MALRD1: variants seen among roughly 807,000 people sequenced by gnomAD.
MALRD1 encodes MAM and LDL-receptor class A domain-containing protein 1.
A neutral mutation model predicts 242.1 loss-of-function variants in MALRD1; 247 were observed. The ratio of observed to expected loss-of-function variants is 1.02; its 90% CI spans 0.92 to 1.13. The LOEUF (loss-of-function observed/expected upper bound fraction) is 1.13. Ranked by LOEUF, MALRD1 falls within the 50% of genes most tolerant of loss-of-function variation. MALRD1 has a pLI of 0.00. For synonymous variants in MALRD1, 995 were observed against 866.6 expected (o/e 1.15, Z -2.60); for missense variants, 2,989 against 2,533.1 (o/e 1.18, Z -3.86).
rs140928313 is a variant in MALRD1, at chr10:19,181,252, C to T, written c.1951+5924C>T. On this transcript the variant is annotated intron_variant, in intron 14 of 39. Transcript: ENST00000454679. ...TGAAATTACCACTTCATAAAGCTAT[C>T]TGCACTCCCATGTTCGCTGCAGGAT... is the stretch of plus-strand genomic sequence containing the variant. Among the ~76,000 whole-genome samples, 1,048 of 152,260 alleles carry T rather than the reference C, an allele frequency of 6.9e-3. 5 individuals are homozygous for T. Among genetic ancestry groups the T allele is most frequent in the South Asian group, 0.022 (104 of 4,830 alleles).
intron 24 of MALRD1, 107 bp downstream of exon 24, chr10:19,331,689 AG>A: frequency 3.6e-6 from 3 of 836,292 alleles, no homozygotes; most frequent in Non-Finnish European, 3.7e-6. Context: ...TCTCAACACC[AG>A]GGGAAGGTAA....
chr10:19,665,366 G>A (rs972455464), intron 36 of MALRD1, among the ~76,000 whole-genome samples: 28 of 152,158 alleles, frequency 1.8e-4, no homozygotes, highest in African/African-American at 6.5e-4. Flanking sequence ...TCTTTGCGTA[G>A]CATCTCAGTG....
rs932462772 is a variant in MALRD1, at chr10:19,204,795, T to C, written c.2211-103T>C. On this transcript the variant is annotated intron_variant, in intron 16 of 39. Transcript: ENST00000454679. The stretch of plus-strand genomic sequence containing the variant: ...TGCGGGAAAGAAAAGCGTCTTATGA[T>C]AACTCATTAAAATTGACTGTTGACT... 1.2e-5 allele frequency: 15 copies of C among 1,207,850 alleles called. No individual in the cohort carries two copies. The African/African-American group carries it at 2.2e-4, about 17-fold the overall frequency. 74.8% of individuals were successfully genotyped at this position (1,207,850 alleles called of 1,614,324 possible).
intron 12 of MALRD1, among the ~76,000 whole-genome samples, chr10:19,159,379 C>G (rs980743553): frequency 1.5e-4 from 23 of 151,366 alleles, no homozygotes; most frequent in African/African-American, 5.6e-4. Flanking sequence ...TATTCTTATC[C>G]TTCTGTATCT....
chr10:19,643,503 A>G lies in MALRD1; in HGVS notation c.6137+27580A>G, dbSNP rs188328016. 2.6e-3 allele frequency among the ~76,000 whole-genome samples: 401 copies of G among 151,616 alleles called. 3 individuals are homozygous for G. The highest frequency in any genetic ancestry group is 2.5e-3 in the Non-Finnish European group (168 of 67,758). Reference sequence around the variant, plus strand: ...ACTGTGTTTATTATTTATTCAATTAACCAAAGTTAATTGATTAATTGACTA... The same window carrying G: ...ACTGTGTTTATTATTTATTCAATTAGCCAAAGTTAATTGATTAATTGACTA... On this transcript the variant is annotated intron_variant, in intron 36 of 39. Transcript: ENST00000454679.
At chr10:19,488,417 T>G (rs780368004) in intron 29 of MALRD1, among the ~76,000 whole-genome samples, 2 of 152,104 alleles carry the variant, frequency 1.3e-5, no homozygotes, top group Non-Finnish European at 2.9e-5. Flanking sequence ...CTCATTGTAG[T>G]ATAGGAATAA....
chr10:19,387,703 T>C lies in MALRD1; in HGVS notation c.4617T>C (p.Asp1539=). 6 of 1,550,384 alleles carry C rather than the reference T, an allele frequency of 3.9e-6. No homozygotes were observed. Among genetic ancestry groups the C allele is most frequent in the Non-Finnish European group, 5.2e-6 (6 of 1,146,852 alleles). ...GWQNSQADNF[D]WVLGVGSHQS... Reference sequence around the variant, plus strand: ...AAAACTCCCAGGCTGACAACTTTGATTGGGTTTTAGGGGTTGGCTCTCATC... The same window carrying C: ...AAAACTCCCAGGCTGACAACTTTGACTGGGTTTTAGGGGTTGGCTCTCATC... Residue 1539 remains aspartate, a synonymous_variant, in exon 27 of 40, where the codon GAT becomes GAC. Transcript: ENST00000454679.
intron 27 of MALRD1, among the ~76,000 whole-genome samples, chr10:19,388,883 A>G (rs1179281729): frequency 1.4e-5 from 2 of 145,860 alleles, no homozygotes; most frequent in African/African-American, 5.1e-5. Context: ...GGTCTACTGA[A>G]AAAAAAAAAA....
At chr10:19,221,120 T>TA (rs1837536840) in intron 18 of MALRD1, among the ~76,000 whole-genome samples, 2 of 152,124 alleles carry the variant, frequency 1.3e-5, no homozygotes, top group Admixed American at 1.3e-4. Flanking sequence ...CATAATTTTT[T>TA]TAAAAAATGT....
chr10:19,451,379 G>A (rs536080009), intron 29 of MALRD1, among the ~76,000 whole-genome samples: 10 of 151,820 alleles, frequency 6.6e-5, no homozygotes, highest in Non-Finnish European at 1.3e-4. Context: ...CATTTATCAT[G>A]TTTCTAAATG....
chr10:19,324,701 G>C (rs965968809), intron 22 of MALRD1, among the ~76,000 whole-genome samples: 12 of 149,554 alleles, frequency 8.0e-5, no homozygotes, highest in Non-Finnish European at 1.0e-4. Flanking sequence ...TCTTTCTACT[G>C]TCTTTCAAAC....
chr10:19,669,405 C>T (rs1243708008), intron 36 of MALRD1, among the ~76,000 whole-genome samples: 1 of 152,160 alleles, frequency 6.6e-6, no homozygotes, highest in Admixed American at 6.5e-5. Flanking sequence ...GACCTGGGAT[C>T]TGGGACCCAG....
intron 24 of MALRD1, among the ~76,000 whole-genome samples, chr10:19,332,403 A>C (rs1843417117): frequency 6.6e-6 from 1 of 151,798 alleles, no homozygotes; most frequent in Non-Finnish European, 1.5e-5. Flanking sequence ...TGATATGGTT[A>C]AAGGAGATCA....
chr10:19,593,657 A>C (rs116791693), intron 33 of MALRD1, among the ~76,000 whole-genome samples: 1 of 152,200 alleles, frequency 6.6e-6, no homozygotes, highest in African/African-American at 2.4e-5. Flanking sequence ...GTTCCGTTCT[A>C]TATGTTCACA....
In MALRD1 at chr10:19,114,443, C is replaced by A. The variant is rs111630473; in HGVS notation, c.695-9049C>A. On this transcript the variant is annotated intron_variant, in intron 5 of 39. Coordinates refer to ENST00000454679, the MANE Select transcript of MALRD1 (RefSeq NM_001142308.3). ...CTTGAGGTCAGGAGTTCGAGACCAG[C>A]CTGGCCAACATGGTGAAACCCCATC... Among the ~76,000 whole-genome samples, 1,509 of 152,146 alleles carry A rather than the reference C, an allele frequency of 9.9e-3. 25 individuals are homozygous for A. Among genetic ancestry groups the A allele is most frequent in the African/African-American group, 0.035 (1,440 of 41,508 alleles).
At chr10:19,688,970 AC>A (rs1352644924) in intron 36 of MALRD1, among the ~76,000 whole-genome samples, 7 of 152,180 alleles carry the variant, frequency 4.6e-5, no homozygotes, top group African/African-American at 9.6e-5. Context: ...CTCCCCCTCC[AC>A]CTTTATACAC....
At chr10:19,079,755 C>A (rs577189714) in intron 2 of MALRD1, among the ~76,000 whole-genome samples, 88 of 151,690 alleles carry the variant, frequency 5.8e-4, no homozygotes, top group Middle Eastern at 3.4e-3. Flanking sequence ...AATAAGAATT[C>A]TGTCTTCTGT....
intron 33 of MALRD1, among the ~76,000 whole-genome samples, chr10:19,590,738 T>G (rs889885806): frequency 3.9e-5 from 6 of 152,086 alleles, no homozygotes; most frequent in African/African-American, 1.2e-4. Context: ...TGTGGATACT[T>G]TATATTCTAC....
At chr10:19,270,356 A>T (rs1164060571) in intron 19 of MALRD1, among the ~76,000 whole-genome samples, 3 of 151,090 alleles carry the variant, frequency 2.0e-5, no homozygotes, top group African/African-American at 7.3e-5. Flanking sequence ...ACACACACAC[A>T]CACACACACA....
Sources: allele counts gnomAD v4.1 joint callset (sites outside exome capture counted in the v4.1 genomes callset), GRCh38; gene constraint gnomAD v4.1.1; transcripts MANE v1.5; gene names NCBI Gene and HGNC (gene_info 2026-07-23, HGNC 2026-07-21).